Variants in CPLX2 observed in about 807,000 individuals in gnomAD.
CPLX2 encodes complexin 2, also known as complexin-2.
In CPLX2, 5 loss-of-function variants were observed where a neutral mutation model predicts 16.3. The observed-to-expected ratio is 0.31, with a 90% CI of 0.16 to 0.64. The LOEUF (loss-of-function observed/expected upper bound fraction) is 0.64. Ranked by LOEUF, CPLX2 falls within the 30% of genes least tolerant of loss-of-function variation. The pLI, the probability that CPLX2 is intolerant of heterozygous loss-of-function variation, is 0.79. For synonymous variants in CPLX2, 89 were observed against 73.2 expected, an observed-to-expected ratio of 1.22 and a Z score of -1.10; for missense variants, 144 against 181.4, an observed-to-expected ratio of 0.79 and a Z score of 1.18.
chr5:175,852,848 T>C (rs1442697958), intron 2 of CPLX2, among the ~76,000 whole-genome samples: 2 of 152,080 alleles, frequency 1.3e-5, no homozygotes, highest in African/African-American at 2.4e-5. Context: ...CAGGGAAGCA[T>C]TGGCATCTCC....
At chr5:175,808,415 G>C (rs1379680062) in intron 1 of CPLX2, among the ~76,000 whole-genome samples, 2 of 152,028 alleles carry the variant, frequency 1.3e-5, no homozygotes, top group East Asian at 1.9e-4. Flanking sequence ...CGGAATGCAT[G>C]GTGCCCCCTA....
At chr5:175,844,116 G>A (rs956690317) in intron 2 of CPLX2, among the ~76,000 whole-genome samples, 13 of 152,212 alleles carry the variant, frequency 8.5e-5, no homozygotes, top group Admixed American at 7.2e-4. Flanking sequence ...GGGTTTCTGT[G>A]CAATGCTATC....
intron 2 of CPLX2, among the ~76,000 whole-genome samples, chr5:175,815,806 G>T (rs985744160): frequency 6.6e-6 from 1 of 152,234 alleles, no homozygotes; most frequent in South Asian, 2.1e-4. Flanking sequence ...GACCCTCTGT[G>T]TTACTTGGAG....
At chr5:175,866,729 C>T (rs889177739), upstream of CPLX2, among the ~76,000 whole-genome samples, 1 of 152,130 alleles carries the variant, frequency 6.6e-6, no homozygotes, top group Non-Finnish European at 1.5e-5. Context: ...ACTCCATGCA[C>T]GACCAATGAG....
chr5:175,800,487 G>A (rs75526482), intron 1 of CPLX2, among the ~76,000 whole-genome samples: 15 of 147,920 alleles, frequency 1.0e-4, no homozygotes, highest in Non-Finnish European at 1.0e-4. Flanking sequence ...TCTGTCTCCA[G>A]AAAAAAAAAA....
chr5:175,815,632 G>GT (rs144862186), intron 2 of CPLX2, among the ~76,000 whole-genome samples: 11,303 of 152,262 alleles, frequency 0.074, 533 homozygotes, highest in South Asian at 0.13. Context: ...CAAACAATAT[G>GT]TACCACCAGT....
intron 2 of CPLX2, among the ~76,000 whole-genome samples, chr5:175,818,259 C>A (rs960743568): frequency 6.6e-6 from 1 of 152,060 alleles, no homozygotes; most frequent in Non-Finnish European, 1.5e-5. Flanking sequence ...AGAGGGGCAC[C>A]ATGGGCAAAG....
intron 2 of CPLX2, among the ~76,000 whole-genome samples, chr5:175,825,997 G>GGGGCA (rs1758608081): frequency 7.0e-6 from 1 of 143,432 alleles, no homozygotes; most frequent in Non-Finnish European, 1.5e-5. Context: ...CAATTTCTTG[G>GGGGCA]GCAGGAATTC....
intron 1 of CPLX2, among the ~76,000 whole-genome samples, chr5:175,805,233 T>C (rs761169860): frequency 2.0e-5 from 3 of 152,164 alleles, no homozygotes; most frequent in Admixed American, 6.5e-5. Flanking sequence ...CCAACCCTAA[T>C]AACCCTTTTG....
upstream of CPLX2, among the ~76,000 whole-genome samples, chr5:175,870,373 A>G (rs1370510665): frequency 6.6e-6 from 1 of 152,130 alleles, no homozygotes; most frequent in Non-Finnish European, 1.5e-5. Flanking sequence ...GTTCTCCCTC[A>G]CTGGAACAAA....
At chr5:175,818,650 C>CTTT (rs70988300) in intron 2 of CPLX2, among the ~76,000 whole-genome samples, 2,143 of 50,906 alleles carry the variant, frequency 0.042, 635 homozygotes, top group East Asian at 0.084. Flanking sequence ...CTGTCCCAAC[C>CTTT]TTTTTTTTTT....
In CPLX2 at chr5:175,845,896, G is replaced by A. The variant is rs991687696; in HGVS notation, c.-88-32756G>A. Among the ~76,000 whole-genome samples, 1 of 152,066 alleles carries A rather than the reference G, an allele frequency of 6.6e-6. No individual in the cohort carries two copies. Among genetic ancestry groups the A allele is most frequent in the African/African-American group, 2.4e-5 (1 of 41,388 alleles). ...GGGTGGGCCTGGGTCCCAGGAAAGG[G>A]GAGTCATTTGTGTTCCTCCTGGCTT... On this transcript the variant is annotated intron_variant, in intron 2 of 4. Coordinates refer to the CPLX2 transcript ENST00000359546. This position sits in a 1 kb window ranked among gnomAD's most constrained non-coding sequence, Gnocchi z 4.0.
chr5:175,868,598 T>G (rs945959909), upstream of CPLX2, among the ~76,000 whole-genome samples: 6 of 152,112 alleles, frequency 3.9e-5, no homozygotes, highest in Non-Finnish European at 5.9e-5. Flanking sequence ...CGGCTGGGCC[T>G]GTTTGCACTC....
chr5:175,816,174 C>CTT (rs993472218), intron 2 of CPLX2, among the ~76,000 whole-genome samples: 2 of 146,372 alleles, frequency 1.4e-5, no homozygotes, highest in African/African-American at 2.5e-5. Context: ...CACAGTCACT[C>CTT]TTTTTTTTTT....
At position 175,849,152 on chromosome 5, in the gene CPLX2, C is replaced by T. The variant is rs1247962709; in HGVS notation, c.-88-29500C>T. On this transcript the variant is annotated intron_variant, in intron 2 of 4. Transcript: ENST00000359546. This position sits in a 1 kb window ranked among gnomAD's most constrained non-coding sequence, Gnocchi z 4.4. The stretch of plus-strand genomic sequence containing the variant: ...TGTTTTTAACACCAGCCAGTGCTGC[C>T]GTGTGTGCAGGACCGATGTCCACAC... 1.3e-5 allele frequency among the ~76,000 whole-genome samples: 2 copies of T among 152,086 alleles called. No individual in the cohort carries two copies. Among genetic ancestry groups the T allele is most frequent in the Non-Finnish European group, 2.9e-5 (2 of 68,010 alleles).
At chr5:175,854,939 C>T (rs1358604316) in intron 2 of CPLX2, among the ~76,000 whole-genome samples, 2 of 152,206 alleles carry the variant, frequency 1.3e-5, no homozygotes, top group African/African-American at 4.8e-5. Flanking sequence ...AGACAGACGT[C>T]ATCTCTGCCT....
In CPLX2 at chr5:175,860,109, C is replaced by T. The variant is rs186814885; in HGVS notation, c.-88-18543C>T. On this transcript the variant is annotated intron_variant, in intron 2 of 4. Transcript: ENST00000359546. Reference sequence around the variant, plus strand: ...TGTGTGCTTCTCTGCATTGGCATCACCCTCGGGCAGGCCCTCCCCAGGTGG... The same window carrying T: ...TGTGTGCTTCTCTGCATTGGCATCATCCTCGGGCAGGCCCTCCCCAGGTGG... Among the ~76,000 whole-genome samples, 1,023 of 152,360 alleles carry T rather than the reference C, an allele frequency of 6.7e-3. 10 individuals are homozygous for T. Among genetic ancestry groups the T allele is most frequent in the African/African-American group, 0.023 (954 of 41,576 alleles).
chr5:175,804,715 T>C (rs978177818), intron 1 of CPLX2, among the ~76,000 whole-genome samples: 3 of 152,174 alleles, frequency 2.0e-5, no homozygotes, highest in South Asian at 2.1e-4. Flanking sequence ...CCCCCGGTGA[T>C]TGACACACCC....
rs139549235 is a variant in CPLX2 at position 175,866,547 on chromosome 5, C to T, written c.-88-12105C>T. ...CAGGGCTACAGTGTGGGCTGGGAGA[C>T]GACTGCTTTGACATGCTAATGAGTG... is the stretch of plus-strand genomic sequence containing the variant. On this transcript the variant is annotated intron_variant, in intron 2 of 4. Coordinates refer to the CPLX2 transcript ENST00000359546. Among the ~76,000 whole-genome samples, 894 of 151,294 alleles carry T rather than the reference C, an allele frequency of 5.9e-3. 14 individuals carry two copies. Among genetic ancestry groups the T allele is most frequent in the African/African-American group, 0.021 (850 of 41,116 alleles).
Sources: allele counts gnomAD v4.1 joint callset (sites outside exome capture counted in the v4.1 genomes callset), GRCh38; gene constraint gnomAD v4.1.1; non-coding constraint Gnocchi (gnomAD v3.1); transcripts MANE v1.5; gene names NCBI Gene and HGNC (gene_info 2026-07-23, HGNC 2026-07-21).